TTLL11: variants seen among roughly 807,000 people sequenced by gnomAD.
The protein encoded by TTLL11 is tubulin tyrosine ligase like 11.
TTLL11 carries 42 observed loss-of-function variants against 51.7 expected under a neutral mutation model. The ratio of observed to expected loss-of-function variants is 0.81; its 90% CI spans 0.64 to 1.05. The LOEUF is 1.05. TTLL11 is among the 50% of genes least tolerant of loss of function. TTLL11 has a pLI of 0.00. For synonymous variants in TTLL11, 381 were observed against 383.5 expected (o/e 0.99, Z 0.08); for missense variants, 799 against 940.4 (o/e 0.85, Z 1.97).
intron 6 of TTLL11, among the ~76,000 whole-genome samples, chr9:121,969,109 A>T (rs182488255): frequency 2.0e-5 from 3 of 152,248 alleles, no homozygotes; most frequent in Admixed American, 2.0e-4. Flanking sequence ...ACCTCAAGTA[A>T]TCCGCCCACC....
chr9:121,852,584 T>A (rs777234964), intron 8 of TTLL11, among the ~76,000 whole-genome samples: 24 of 152,180 alleles, frequency 1.6e-4, no homozygotes, highest in Non-Finnish European at 2.5e-4. Context: ...TGGGCAGAGA[T>A]CCTATTCTCT....
chr9:121,933,109 T>C (rs1841057681), intron 6 of TTLL11, among the ~76,000 whole-genome samples: 1 of 151,956 alleles, frequency 6.6e-6, no homozygotes, highest in Admixed American at 6.6e-5. Flanking sequence ...CGGCGGACAG[T>C]AGAGGAGGTG....
intron 3 of TTLL11, among the ~76,000 whole-genome samples, chr9:122,004,195 A>G (rs1843569474): frequency 6.6e-6 from 1 of 152,188 alleles, no homozygotes; most frequent in Admixed American, 6.5e-5. Flanking sequence ...CAAGAGCAGC[A>G]GAGATAAATC....
At chr9:121,959,981 A>C in intron 6 of TTLL11, among the ~76,000 whole-genome samples, 1 of 152,044 alleles carries the variant, frequency 6.6e-6, no homozygotes, top group Non-Finnish European at 1.5e-5. Flanking sequence ...AATAATTCTA[A>C]AACCTATACA....
intron 2 of TTLL11, among the ~76,000 whole-genome samples, chr9:122,036,018 A>G (rs1161192437): frequency 6.6e-6 from 1 of 152,034 alleles, no homozygotes; most frequent in Non-Finnish European, 1.5e-5. Context: ...AGGCCCATCC[A>G]TCCTGGAGGC....
chr9:121,916,142 T>A (rs1479767594), intron 6 of TTLL11, among the ~76,000 whole-genome samples: 3 of 152,106 alleles, frequency 2.0e-5, no homozygotes, highest in Admixed American at 6.6e-5. Flanking sequence ...CCCAAACTGG[T>A]ATAGCACACA....
intron 8 of TTLL11, among the ~76,000 whole-genome samples, chr9:121,836,351 A>G (rs1837178728): frequency 6.6e-6 from 1 of 152,122 alleles, no homozygotes; most frequent in South Asian, 2.1e-4. Context: ...TTGCCCTGTG[A>G]GATTCTGAAG....
intron 3 of TTLL11, among the ~76,000 whole-genome samples, chr9:122,024,471 T>C (rs1472323969): frequency 1.3e-5 from 2 of 152,112 alleles, no homozygotes; most frequent in Non-Finnish European, 2.9e-5. Flanking sequence ...AAGACTACAA[T>C]AGCCAAAACA....
At chr9:121,977,960 C>A (rs1381642545) in intron 4 of TTLL11, among the ~76,000 whole-genome samples, 1 of 152,160 alleles carries the variant, frequency 6.6e-6, no homozygotes, top group Non-Finnish European at 1.5e-5. Context: ...CAGACGTGAG[C>A]CACCGCGTCC....
intron 6 of TTLL11, among the ~76,000 whole-genome samples, chr9:121,878,346 G>C (rs1349703452): frequency 1.3e-5 from 2 of 152,190 alleles, no homozygotes; most frequent in African/African-American, 4.8e-5. Context: ...TCATCTGGCT[G>C]CTTCGTTTTG....
At chr9:121,893,382 G>A (rs1839334574) in intron 6 of TTLL11, among the ~76,000 whole-genome samples, 1 of 152,012 alleles carries the variant, frequency 6.6e-6, no homozygotes, top group Non-Finnish European at 1.5e-5. Flanking sequence ...GGGGGGCCAT[G>A]TGAGATTTAA....
chr9:122,040,705 C>T (rs1342081652), intron 1 of TTLL11, among the ~76,000 whole-genome samples: 5 of 152,188 alleles, frequency 3.3e-5, no homozygotes, highest in East Asian at 1.9e-4. Flanking sequence ...GCTTTCCATA[C>T]ATTCCACATT....
At chr9:122,045,199 A>T (rs1272551566) in intron 1 of TTLL11, among the ~76,000 whole-genome samples, 2 of 149,670 alleles carry the variant, frequency 1.3e-5, no homozygotes, top group Admixed American at 1.3e-4. Context: ...GCTGTAGTTA[A>T]AAAAAAAAAT....
rs113351798 is a variant in TTLL11, at chr9:121,836,048, G to A, written c.1841-13169C>T. 3.3e-3 allele frequency among the ~76,000 whole-genome samples: 507 copies of A among 152,280 alleles called. 3 individuals carry two copies. Among genetic ancestry groups the A allele is most frequent in the African/African-American group, 0.011 (475 of 41,558 alleles). On this transcript the variant is annotated intron_variant, in intron 8 of 8. Coordinates refer to ENST00000321582, the MANE Select transcript of TTLL11 (RefSeq NM_001139442.2). ...ACTAAGAGTGGTCTGTATACAACAC[G>A]TGCTTAATATGTGTCAGGCACTGTG...
At chr9:121,919,166 G>A (rs56040450) in intron 6 of TTLL11, among the ~76,000 whole-genome samples, 24,468 of 152,210 alleles carry the variant, frequency 0.16, 2,441 homozygotes, top group Middle Eastern at 0.23. Flanking sequence ...TAGGCTAAAT[G>A]ATGGGGATAA....
At chr9:121,838,808 G>A (rs1261083327) in intron 8 of TTLL11, among the ~76,000 whole-genome samples, 3 of 145,788 alleles carry the variant, frequency 2.1e-5, no homozygotes, top group African/African-American at 8.2e-5. Flanking sequence ...AAGCAAGCAA[G>A]CAAGCAAGCA....
Position 122,031,762 on chromosome 9 carries a change from T to C in TTLL11, c.654A>G (p.Ser218=), listed in dbSNP as rs1423157594. The change falls in exon 3 of 9, where the codon TCA becomes TCG. Residue 218 remains serine (S), a synonymous_variant. Coordinates refer to ENST00000321582, the MANE Select transcript of TTLL11 (RefSeq NM_001139442.2). The stretch of plus-strand genomic sequence containing the variant: ...GCTGGAACTCGTCAGGCAGAATCCA[T>C]GAGCGAGGGTAGAAGTTGTACTCCT... ...FPEEYNFYPR[S]WILPDEFQLF... 1.9e-6 allele frequency: 3 copies of C among 1,613,272 alleles called. No individual in the cohort carries two copies. Among genetic ancestry groups the C allele is most frequent in the Admixed American group, 3.3e-5 (2 of 60,006 alleles).
chr9:122,058,200 T>C (rs1845343830), intron 1 of TTLL11, among the ~76,000 whole-genome samples: 1 of 152,208 alleles, frequency 6.6e-6, no homozygotes. Flanking sequence ...AGGAACACCT[T>C]CATGATTTCC....
chr9:121,970,675 C>T (rs560290028), intron 6 of TTLL11, among the ~76,000 whole-genome samples: 6 of 152,238 alleles, frequency 3.9e-5, no homozygotes, highest in South Asian at 2.1e-4. Flanking sequence ...GTTAGAATGG[C>T]GATCATTAAA....
Sources: allele counts gnomAD v4.1 joint callset (sites outside exome capture counted in the v4.1 genomes callset), GRCh38; gene constraint gnomAD v4.1.1; transcripts MANE v1.5; gene names NCBI Gene and HGNC (gene_info 2026-07-23, HGNC 2026-07-21).